TMEM117: variants seen among roughly 807,000 people sequenced by gnomAD.
TMEM117 encodes transmembrane protein 117.
TMEM117 carries 27 observed loss-of-function variants against 52.4 expected under a neutral mutation model. The observed-to-expected ratio is 0.51, with a 90% CI of 0.38 to 0.71. The LOEUF is 0.71. TMEM117 is among the 30% of genes least tolerant of loss of function. TMEM117 has a pLI of 0.00. For synonymous variants in TMEM117, 215 were observed against 206.3 expected, an observed-to-expected ratio of 1.04 and a Z score of -0.36; for missense variants, 556 against 630.5, an observed-to-expected ratio of 0.88 and a Z score of 1.26.
chr12:43,865,274 A>G (rs770208447), intron 2 of TMEM117, among the ~76,000 whole-genome samples: 10 of 152,208 alleles, frequency 6.6e-5, no homozygotes, highest in Non-Finnish European at 1.0e-4. Context: ...ATACCAAGTT[A>G]GAAGGATTGG....
chr12:43,970,227 A>C (rs886840523), intron 3 of TMEM117, among the ~76,000 whole-genome samples: 1 of 152,064 alleles, frequency 6.6e-6, no homozygotes, highest in Non-Finnish European at 1.5e-5. Context: ...TAATGACCTC[A>C]GTGTGCAAGA....
At chr12:43,913,826 TATAAG>T (rs1429869705) in intron 2 of TMEM117, among the ~76,000 whole-genome samples, 3 of 152,204 alleles carry the variant, frequency 2.0e-5, no homozygotes, top group Admixed American at 6.5e-5. Flanking sequence ...CATGGCAGAA[TATAAG>T]ATATGTTTTA....
rs1044428318 is a variant in TMEM117, at chr12:44,114,074, G to T, written c.411-29451G>T. ...CCTCGCCCTGCTTCGGCTCGCGCAC[G>T]GTGCGCACACACACTGGCCTGCGCC... On this transcript the variant is annotated intron_variant, in intron 3 of 7. Transcript: ENST00000266534. Among the ~76,000 whole-genome samples, 74 of 147,970 alleles carry T rather than the reference G, an allele frequency of 5.0e-4. No homozygotes were observed. The East Asian group carries it at 6.1e-3, about 12-fold the overall frequency.
At chr12:43,797,794 G>A in the TMEM117 span, 1 of 1,613,466 alleles carries the variant, frequency 6.2e-7, no homozygotes, top group Non-Finnish European at 8.5e-7. Context: ...ACTCCTTGTA[G>A]TGTTTGATGC....
intron 3 of TMEM117, among the ~76,000 whole-genome samples, chr12:44,007,532 G>T (rs547677128): frequency 6.6e-6 from 1 of 151,882 alleles, no homozygotes; most frequent in Non-Finnish European, 1.5e-5. Context: ...TCATTACAAT[G>T]GTCCCTCCTA....
chr12:44,331,904 C>A (rs1011155237), intron 6 of TMEM117, among the ~76,000 whole-genome samples: 7 of 152,012 alleles, frequency 4.6e-5, no homozygotes, highest in African/African-American at 1.7e-4. Context: ...AAACTTTATT[C>A]TTGTCACCTT....
the TMEM117 span, chr12:43,802,563 T>C: frequency 1.1e-6 from 1 of 889,646 alleles, no homozygotes; most frequent in Non-Finnish European, 1.8e-6. Context: ...CATTTCCCAG[T>C]TACTATTATT....
intron 3 of TMEM117, among the ~76,000 whole-genome samples, chr12:43,997,195 A>G (rs1473812492): frequency 6.6e-6 from 1 of 152,232 alleles, no homozygotes; most frequent in Non-Finnish European, 1.5e-5. Flanking sequence ...ATTTGACTCC[A>G]AAACCTGCAT....
chr12:44,135,210 T>G (rs1224438511), intron 3 of TMEM117, among the ~76,000 whole-genome samples: 1 of 152,158 alleles, frequency 6.6e-6, no homozygotes, highest in Non-Finnish European at 1.5e-5. Flanking sequence ...ATAGCAGAGT[T>G]GGGCATCATT....
intron 6 of TMEM117, among the ~76,000 whole-genome samples, chr12:44,313,896 T>G (rs773776015): frequency 1.7e-4 from 26 of 152,162 alleles, no homozygotes; most frequent in Non-Finnish European, 2.9e-4. Flanking sequence ...TTGATTTGGC[T>G]CTCAGCTTGA....
chr12:44,298,049 T>TTTTTTTTTTTTTTTTTTTAG (rs1565686051), intron 5 of TMEM117, among the ~76,000 whole-genome samples: 3 of 150,980 alleles, frequency 2.0e-5, no homozygotes, highest in African/African-American at 7.4e-5. Context: ...GTTTATTTTC[T>TTTTTTTTTTTTTTTTTTTAG]AAAATTTTAA....
At chr12:44,146,770 A>G (rs907417465) in intron 4 of TMEM117, among the ~76,000 whole-genome samples, 2 of 152,234 alleles carry the variant, frequency 1.3e-5, no homozygotes, top group Admixed American at 1.3e-4. Flanking sequence ...TCATCGTGAA[A>G]TGAATATCAA....
At chr12:43,812,858 A>C in the TMEM117 span, among the ~76,000 whole-genome samples, 1 of 116,988 alleles carries the variant, frequency 8.5e-6, no homozygotes, top group Non-Finnish European at 1.9e-5. Flanking sequence ...TACAAAAAGT[A>C]CAAAAAAAAA....
intron 5 of TMEM117, among the ~76,000 whole-genome samples, chr12:44,269,028 C>T (rs1950415110): frequency 6.6e-6 from 1 of 152,112 alleles, no homozygotes; most frequent in Non-Finnish European, 1.5e-5. Flanking sequence ...TAAATAAATA[C>T]ATACTTTTAT....
chr12:44,277,726 T>C (rs547132006), intron 5 of TMEM117, among the ~76,000 whole-genome samples: 2 of 150,642 alleles, frequency 1.3e-5, no homozygotes, highest in African/African-American at 4.9e-5. Context: ...CCTCCCATGC[T>C]GCATCTACTG....
intron 3 of TMEM117, among the ~76,000 whole-genome samples, chr12:44,111,809 T>G (rs1185892432): frequency 1.4e-5 from 2 of 139,966 alleles, no homozygotes; most frequent in East Asian, 4.1e-4. Context: ...CAGTGGGGTG[T>G]TAAAGTCTCC....
At chr12:44,216,010 T>C (rs1198535474) in intron 5 of TMEM117, among the ~76,000 whole-genome samples, 8 of 144,368 alleles carry the variant, frequency 5.5e-5, no homozygotes, top group African/African-American at 5.3e-5. Flanking sequence ...TCTTTCTTTT[T>C]TTTTTTTTTT....
At chr12:43,855,349 G>A (rs1347112414) in intron 2 of TMEM117, among the ~76,000 whole-genome samples, 2 of 151,540 alleles carry the variant, frequency 1.3e-5, no homozygotes, top group Non-Finnish European at 2.9e-5. Context: ...TGCAACCTCC[G>A]CCTGCCGGGT....
chr12:44,068,994 A>G (rs1565814847), intron 3 of TMEM117, among the ~76,000 whole-genome samples: 3 of 152,220 alleles, frequency 2.0e-5, no homozygotes, highest in African/African-American at 7.2e-5. Flanking sequence ...GGTCTTACCA[A>G]GGAGTTTGAG....
Sources: gnomAD v4.1 joint callset for allele counts (sites outside exome capture counted in the v4.1 genomes callset) on GRCh38, gnomAD v4.1.1 for gene constraint, MANE v1.5 for transcripts, NCBI Gene and HGNC (gene_info 2026-07-23, HGNC 2026-07-21) for gene names.